Variants in IPCEF1 observed in about 807,000 individuals in gnomAD.
IPCEF1 encodes the protein interaction protein for cytohesin exchange factors 1, also known as interactor protein for cytohesin exchange factors 1.
In IPCEF1, 31 loss-of-function variants were observed where a neutral mutation model predicts 50.9. That is an observed-to-expected ratio of 0.61 (90% CI 0.46 to 0.82). IPCEF1 has a LOEUF of 0.82. IPCEF1 is among the 40% of genes least tolerant of loss of function. IPCEF1 has a pLI of 0.00. For synonymous variants in IPCEF1, 181 were observed against 192.0 expected, an observed-to-expected ratio of 0.94 and a Z score of 0.47; for missense variants, 458 against 514.0, an observed-to-expected ratio of 0.89 and a Z score of 1.05.
intron 10 of IPCEF1, among the ~76,000 whole-genome samples, chr6:154,180,590 C>T (rs1264216130): frequency 6.6e-6 from 1 of 151,888 alleles, no homozygotes; most frequent in Non-Finnish European, 1.5e-5. Flanking sequence ...ACAGGCATGC[C>T]CCAGTAGGCC....
intron 10 of IPCEF1, among the ~76,000 whole-genome samples, chr6:154,169,443 TC>T (rs1470770786): frequency 3.9e-5 from 6 of 152,122 alleles, no homozygotes; most frequent in Non-Finnish European, 7.3e-5. Flanking sequence ...AAAATTCATC[TC>T]CATCTTTAAA....
chr6:154,293,657 A>G (rs572518018), intron 1 of IPCEF1, among the ~76,000 whole-genome samples: 1 of 152,342 alleles, frequency 6.6e-6, no homozygotes, highest in South Asian at 2.1e-4. Flanking sequence ...AAAATGAACT[A>G]TCTTTTCCAC....
intron 1 of IPCEF1, among the ~76,000 whole-genome samples, chr6:154,318,288 T>C (rs1230124811): frequency 1.3e-5 from 2 of 152,170 alleles, no homozygotes; most frequent in East Asian, 3.8e-4. Flanking sequence ...TCAAAACTCA[T>C]GGAGCTGCAG....
In IPCEF1 at chr6:154,356,027, CA is replaced by C. The variant is rs1335281237; in HGVS notation, c.-62+644del. On this transcript the variant is annotated intron_variant, in intron 1 of 11. Coordinates refer to ENST00000367220, the MANE Select transcript of IPCEF1 (RefSeq NM_001130700.2). ...TTTATCAAGGACAGCACTAGGAACA[CA>C]TAGGCCACTCAAGACTAATAGAGCC... is the stretch of plus-strand genomic sequence containing the variant. Among the ~76,000 whole-genome samples the C allele has an allele frequency of 2.0e-5, 3 of 152,284 alleles. No individual in the cohort carries two copies. In the East Asian group the frequency reaches 5.8e-4, roughly 29 times the overall value.
At chr6:154,165,776 C>A (rs1411248945) in intron 11 of IPCEF1, among the ~76,000 whole-genome samples, 1 of 152,242 alleles carries the variant, frequency 6.6e-6, no homozygotes, top group African/African-American at 2.4e-5. Flanking sequence ...ATTGCTGCCA[C>A]TGGGTTATAA....
intron 2 of IPCEF1, among the ~76,000 whole-genome samples, chr6:154,271,712 A>C (rs1342253952): frequency 6.6e-6 from 1 of 152,188 alleles, no homozygotes; most frequent in Non-Finnish European, 1.5e-5. Flanking sequence ...GGCCGGGTTC[A>C]ATGGCTCACA....
intron 2 of IPCEF1, among the ~76,000 whole-genome samples, chr6:154,268,749 A>G (rs1478782173): frequency 8.2e-5 from 11 of 134,902 alleles, no homozygotes; most frequent in East Asian, 2.1e-4. Flanking sequence ...TCCCTTACTC[A>G]TTGTCTTTTT....
At chr6:154,315,555 A>G (rs185066065) in intron 1 of IPCEF1, among the ~76,000 whole-genome samples, 1 of 152,236 alleles carries the variant, frequency 6.6e-6, no homozygotes, top group Non-Finnish European at 1.5e-5. Flanking sequence ...CTCTAAGTCA[A>G]TTTCCTTTGT....
chr6:154,161,354 G>A (rs889690184), intron 11 of IPCEF1, among the ~76,000 whole-genome samples: 3 of 151,890 alleles, frequency 2.0e-5, no homozygotes, highest in Non-Finnish European at 2.9e-5. Flanking sequence ...GGGATTACAG[G>A]CATGCACCAC....
chr6:154,187,050 A>C (rs928161319), intron 10 of IPCEF1, among the ~76,000 whole-genome samples: 63 of 150,852 alleles, frequency 4.2e-4, no homozygotes, highest in African/African-American at 1.2e-3. Context: ...CACACTCCAC[A>C]CTCTGTCTTC....
rs1799572034 is a variant in IPCEF1, at chr6:154,168,015, T to C, written c.1009A>G (p.Lys337Glu). The change falls in exon 11 of 12, where the codon AAA becomes GAA. Residue 337 changes from lysine to glutamate, a missense_variant. Coordinates refer to ENST00000367220, the MANE Select transcript of IPCEF1 (RefSeq NM_001130700.2). This position sits in a 1 kb window ranked among gnomAD's most constrained non-coding sequence, Gnocchi z 4.1. The stretch of plus-strand genomic sequence containing the variant: ...ACAAAGGATTTTCTCAACTCCTTTT[T>C]AGTCGAAGGTCGTCGGTCCCCAAGA... ...SPLGDRRPST[K>E]KELRKSFVKR... is the part of the protein sequence containing the mutation. 1.2e-6 allele frequency: 2 copies of C among 1,612,342 alleles called. No individual in the cohort carries two copies. Among genetic ancestry groups the C allele is most frequent in the Non-Finnish European group, 1.7e-6 (2 of 1,178,584 alleles).
At chr6:154,287,740 G>A (rs547634601) in intron 2 of IPCEF1, among the ~76,000 whole-genome samples, 3 of 152,248 alleles carry the variant, frequency 2.0e-5, no homozygotes, top group African/African-American at 7.2e-5. Context: ...ACTGTGATGG[G>A]GAGGTCCCTA....
In IPCEF1 at chr6:154,156,921, G is replaced by A. The variant is rs953553000; in HGVS notation, c.*2907C>T. 1 of 152,200 alleles carries A rather than the reference G, an allele frequency of 6.6e-6. No individual in the cohort carries two copies. Among genetic ancestry groups the A allele is most frequent in the Admixed American group, 6.5e-5 (1 of 15,282 alleles). The allele number at this position is 152,200 out of a possible 1,614,324, so 9.4% of individuals were successfully genotyped here. On this transcript the variant is annotated 3_prime_UTR_variant, in exon 12 of 12. Transcript: ENST00000367220. ...CTCCAAATCCTAATCTTTAGCAGGTGCCACAGATTTGGATCTACGTGTGCT... is the reference window on the plus strand; with the variant it reads ...CTCCAAATCCTAATCTTTAGCAGGTACCACAGATTTGGATCTACGTGTGCT...
intron 2 of IPCEF1, among the ~76,000 whole-genome samples, chr6:154,282,125 C>T (rs538818458): frequency 6.6e-6 from 1 of 152,182 alleles, no homozygotes; most frequent in Non-Finnish European, 1.5e-5. Flanking sequence ...GCCGAGATTG[C>T]ACCACTGCAC....
intron 9 of IPCEF1, among the ~76,000 whole-genome samples, chr6:154,205,398 C>T (rs1223651584): frequency 1.3e-5 from 2 of 152,172 alleles, no homozygotes; most frequent in East Asian, 3.9e-4. Context: ...AGTTCAAGAC[C>T]AGCCTGGTCA....
chr6:154,187,001 T>C (rs1404707469), intron 10 of IPCEF1, among the ~76,000 whole-genome samples: 8 of 152,018 alleles, frequency 5.3e-5, no homozygotes, highest in Non-Finnish European at 1.0e-4. Flanking sequence ...CCTGCCCACT[T>C]CTTGCACCTC....
chr6:154,209,330 C>T (rs1777768531), intron 9 of IPCEF1, among the ~76,000 whole-genome samples: 1 of 152,116 alleles, frequency 6.6e-6, no homozygotes, highest in African/African-American at 2.4e-5. Context: ...CTGTATTGGG[C>T]CAAACACTAG....
intron 2 of IPCEF1, among the ~76,000 whole-genome samples, chr6:154,269,383 G>A (rs1781847027): frequency 6.6e-6 from 1 of 152,140 alleles, no homozygotes; most frequent in African/African-American, 2.4e-5. Context: ...AGGTGGGATG[G>A]GAGACAGCTA....
At chr6:154,308,288 T>G (rs1261943538) in intron 1 of IPCEF1, among the ~76,000 whole-genome samples, 1 of 152,164 alleles carries the variant, frequency 6.6e-6, no homozygotes, top group South Asian at 2.1e-4. Flanking sequence ...CTAATTTTTG[T>G]ATTTTTTTGT....
Sources: allele counts gnomAD v4.1 joint callset (sites outside exome capture counted in the v4.1 genomes callset), GRCh38; gene constraint gnomAD v4.1.1; non-coding constraint Gnocchi (gnomAD v3.1); transcripts MANE v1.5; gene names NCBI Gene and HGNC (gene_info 2026-07-23, HGNC 2026-07-21).